The following STPG2 variants were observed in gnomAD, a reference collection of about 807,000 sequenced individuals.
The protein encoded by STPG2 is sperm-tail PG-rich repeat-containing protein 2.
Under a neutral mutation model 54.2 loss-of-function variants are expected in STPG2, and 56 were observed. The observed-to-expected ratio is 1.03, with a 90% CI of 0.83 to 1.29. STPG2 has a LOEUF of 1.29. STPG2 is among the 50% of genes most tolerant of loss of function. The pLI, the probability that STPG2 is intolerant of heterozygous loss-of-function variation, is 0.00. For synonymous variants in STPG2, 200 were observed against 181.8 expected (o/e 1.10, Z -0.81); for missense variants, 596 against 544.9 (o/e 1.09, Z -0.93).
chr4:98,016,494 G>A (rs951051098), intron 5 of STPG2, among the ~76,000 whole-genome samples: 5 of 151,712 alleles, frequency 3.3e-5, no homozygotes, highest in Non-Finnish European at 7.4e-5. Flanking sequence ...CAAATAACCT[G>A]TCTTTGAGTT....
intron 10 of STPG2, among the ~76,000 whole-genome samples, chr4:97,562,675 C>T (rs1008858173): frequency 2.0e-4 from 31 of 152,104 alleles, no homozygotes; most frequent in Non-Finnish European, 4.4e-4. Context: ...TTGTCAAAGG[C>T]CTTTTCTGCA....
intron 9 of STPG2, among the ~76,000 whole-genome samples, chr4:97,801,772 T>G (rs573015689): frequency 6.6e-6 from 1 of 152,262 alleles, no homozygotes; most frequent in South Asian, 2.1e-4. Context: ...CCATGACCCA[T>G]TCTCAGTTTT....
In STPG2 at chr4:97,672,205, C is replaced by T. The variant is rs1355459770; in HGVS notation, c.1320+40494G>A. On this transcript the variant is annotated intron_variant, in intron 10 of 10. Coordinates refer to ENST00000295268, the MANE Select transcript of STPG2 (RefSeq NM_174952.3). ...TTTTTTTTTTTGAGATGGAGTTTCA[C>T]TCTTGTTGCCCCGGCTGGAGTGCAA... Among the ~76,000 whole-genome samples the T allele has an allele frequency of 6.2e-5, 7 of 112,192 alleles. No individual in the cohort carries two copies. The South Asian group carries it at 1.3e-3, about 21-fold the overall frequency. The allele number at this position is 112,192 out of a possible 152,430, so 73.6% of individuals were successfully genotyped here.
intron 10 of STPG2, among the ~76,000 whole-genome samples, chr4:97,666,694 C>T (rs17026853): frequency 0.035 from 5,351 of 152,238 alleles, 218 homozygotes; most frequent in African/African-American, 0.093. Context: ...TACTAGAGGG[C>T]AGGTATCATG....
chr4:97,976,793 C>T (rs1240739490), intron 6 of STPG2, among the ~76,000 whole-genome samples: 1 of 152,004 alleles, frequency 6.6e-6, no homozygotes, highest in Non-Finnish European at 1.5e-5. Context: ...ATTTAACTTG[C>T]CCTTTATAAA....
chr4:97,782,977 C>T (rs1484326857), intron 9 of STPG2, among the ~76,000 whole-genome samples: 2 of 152,164 alleles, frequency 1.3e-5, no homozygotes, highest in Non-Finnish European at 2.9e-5. Flanking sequence ...CATAAAAACC[C>T]TAGAAGAAAA....
At chr4:98,008,721 G>C (rs1040507364) in intron 5 of STPG2, among the ~76,000 whole-genome samples, 1 of 151,456 alleles carries the variant, frequency 6.6e-6, no homozygotes, top group African/African-American at 2.4e-5. Flanking sequence ...GAGGAATAAA[G>C]CCTCACATAT....
At chr4:97,796,793 G>A (rs561132138) in intron 9 of STPG2, among the ~76,000 whole-genome samples, 2 of 152,292 alleles carry the variant, frequency 1.3e-5, no homozygotes, top group African/African-American at 4.8e-5. Flanking sequence ...ACTTTGGGCA[G>A]TATGGTCATT....
chr4:97,880,805 T>C (rs1302872162), intron 8 of STPG2, among the ~76,000 whole-genome samples: 1 of 152,052 alleles, frequency 6.6e-6, no homozygotes, highest in Non-Finnish European at 1.5e-5. Flanking sequence ...GGATTGAATA[T>C]ATCACACACT....
intron 7 of STPG2, among the ~76,000 whole-genome samples, chr4:97,946,022 G>A (rs1733202924): frequency 6.6e-6 from 1 of 152,036 alleles, no homozygotes; most frequent in African/African-American, 2.4e-5. Flanking sequence ...TCACACTACT[G>A]CACTCCAGCC....
At chr4:97,504,802 T>C (rs1730810317) in intron 4 of STPG2, among the ~76,000 whole-genome samples, 2 of 152,114 alleles carry the variant, frequency 1.3e-5, no homozygotes, top group South Asian at 4.1e-4. Flanking sequence ...GAAATCCTTT[T>C]GTTTTACCAG....
intron 9 of STPG2, among the ~76,000 whole-genome samples, chr4:97,768,162 G>C (rs561862142): frequency 7.9e-6 from 1 of 127,338 alleles, no homozygotes; most frequent in African/African-American, 3.1e-5. Flanking sequence ...GCGAGACTCC[G>C]TCTCAAAAAA....
chr4:97,498,490 T>C (rs1480296005), intron 4 of STPG2, among the ~76,000 whole-genome samples: 1 of 151,924 alleles, frequency 6.6e-6, no homozygotes, highest in African/African-American at 2.4e-5. Context: ...ATAAAAGCTT[T>C]TATATATCAC....
At chr4:97,895,801 C>T (rs969064796) in intron 8 of STPG2, among the ~76,000 whole-genome samples, 3 of 151,758 alleles carry the variant, frequency 2.0e-5, no homozygotes, top group Non-Finnish European at 3.0e-5. Flanking sequence ...CAATGGCTCT[C>T]AATCCTGTCT....
intron 8 of STPG2, among the ~76,000 whole-genome samples, chr4:97,903,422 G>T (rs1031969309): frequency 2.0e-5 from 3 of 148,984 alleles, no homozygotes; most frequent in South Asian, 4.2e-4. Context: ...CAAAAATCAA[G>T]TATCTAAGCA....
intron 9 of STPG2, among the ~76,000 whole-genome samples, chr4:97,778,193 A>G (rs356549): frequency 0.58 from 88,150 of 151,534 alleles, 26,170 homozygotes; most frequent in East Asian, 0.73. Flanking sequence ...ACAGCACCTG[A>G]AAAATCGGGT....
At chr4:97,585,285 A>G (rs1422017241) in intron 10 of STPG2, among the ~76,000 whole-genome samples, 1 of 152,008 alleles carries the variant, frequency 6.6e-6, no homozygotes, top group African/African-American at 2.4e-5. Flanking sequence ...AATGCAGGAT[A>G]TCCAGTGAAC....
intron 5 of STPG2, among the ~76,000 whole-genome samples, chr4:98,059,639 T>C (rs1162327856): frequency 3.6e-5 from 2 of 55,610 alleles, no homozygotes; most frequent in Non-Finnish European, 8.7e-5. Flanking sequence ...TGAATATCAA[T>C]GCAAAAAAAA....
intron 9 of STPG2, among the ~76,000 whole-genome samples, chr4:97,755,643 A>G (rs1725703939): frequency 6.6e-6 from 1 of 152,184 alleles, no homozygotes; most frequent in African/African-American, 2.4e-5. Context: ...TGCATACCCA[A>G]ATTTGACCAA....
Sources: allele counts gnomAD v4.1 joint callset (sites outside exome capture counted in the v4.1 genomes callset), GRCh38; gene constraint gnomAD v4.1.1; transcripts MANE v1.5; gene names NCBI Gene and HGNC (gene_info 2026-07-23, HGNC 2026-07-21).